The following MCC variants were observed in gnomAD, a reference collection of about 807,000 sequenced individuals.
MCC encodes MCC regulator of Wnt signaling pathway.
MCC carries 90 observed loss-of-function variants against 116.2 expected under a neutral mutation model. The observed-to-expected ratio is 0.77, with a 90% CI of 0.65 to 0.92. The LOEUF (loss-of-function observed/expected upper bound fraction) is 0.92, where lower values mean the gene tolerates loss of function less well. Ranked by LOEUF, MCC falls within the 40% of genes least tolerant of loss-of-function variation. The probability of loss-of-function intolerance (pLI) is 0.00; values close to 1 mark genes in which losing one functional copy is unlikely to be tolerated. For missense variants in MCC, 1,516 were observed against 1,312.2 expected (o/e 1.16, Z -2.40); for synonymous variants, 578 against 510.5 (o/e 1.13, Z -1.78).
intron 4 of MCC, among the ~76,000 whole-genome samples, chr5:113,147,953 CAGG>C (rs1759625711): frequency 6.6e-6 from 1 of 152,208 alleles, no homozygotes; most frequent in African/African-American, 2.4e-5. Context: ...GTAGAAAATT[CAGG>C]AGACTTGTTT....
intron 1 of MCC, among the ~76,000 whole-genome samples, chr5:113,451,172 AT>A (rs1771382205): frequency 1.3e-5 from 2 of 152,194 alleles, no homozygotes; most frequent in African/African-American, 4.8e-5. Flanking sequence ...AAGATGCTTT[AT>A]CTCAGTACAC....
chr5:113,428,506 C>G (rs1770541047), intron 1 of MCC, among the ~76,000 whole-genome samples: 1 of 152,210 alleles, frequency 6.6e-6, no homozygotes, highest in Non-Finnish European at 1.5e-5. Flanking sequence ...TATGAGGCTA[C>G]AAAGGCCTAG....
intron 1 of MCC, chr5:113,433,346 GC>G: frequency 5.1e-6 from 2 of 391,192 alleles, no homozygotes. Flanking sequence ...TCACGCAACT[GC>G]CCCGGGGACG....
chr5:113,255,351 A>C (rs1177834787), intron 3 of MCC, among the ~76,000 whole-genome samples: 1 of 152,194 alleles, frequency 6.6e-6, no homozygotes, highest in Non-Finnish European at 1.5e-5. Context: ...TGAAAGCCAC[A>C]TATTAAGAAT....
intron 1 of MCC, among the ~76,000 whole-genome samples, chr5:113,411,034 CT>C (rs1172738749): frequency 2.0e-5 from 3 of 152,162 alleles, no homozygotes; most frequent in African/African-American, 7.2e-5. Flanking sequence ...GGTTCCAAGT[CT>C]TTGCTATTGT....
intron 1 of MCC, among the ~76,000 whole-genome samples, chr5:113,392,622 G>C (rs1769428292): frequency 6.6e-6 from 1 of 152,024 alleles, no homozygotes; most frequent in African/African-American, 2.4e-5. Context: ...AACAATATCT[G>C]TAACAGCAAA....
Position 113,122,793 on chromosome 5 carries a change from T to C in MCC, c.918A>G (p.Glu306=), listed in dbSNP as rs372031914. Residue 306 remains glutamate (E), a synonymous_variant, in exon 6 of 19, where the codon GAA becomes GAG. Coordinates refer to ENST00000408903, the MANE Select transcript of MCC (RefSeq NM_001085377.2). ...TGACCTCGTGTTGGCTCTGGCTGAG[T>C]TCTGATCGCAGTTCTGAGTACTCAT... The part of the protein sequence containing the change: ...EEDEYSELRS[E]LSQSQHEVNE... 6.2e-6 allele frequency: 10 copies of C among 1,614,146 alleles called. No homozygotes were observed. The highest frequency in any genetic ancestry group is 6.8e-6 in the Non-Finnish European group (8 of 1,180,008).
intron 14 of MCC, among the ~76,000 whole-genome samples, chr5:113,063,387 T>G (rs2150229285): frequency 6.6e-6 from 1 of 152,338 alleles, no homozygotes; most frequent in African/African-American, 2.4e-5. Context: ...AAGCACCCAC[T>G]TTAATTTCCT....
intron 3 of MCC, among the ~76,000 whole-genome samples, chr5:113,165,729 T>C (rs1416685602): frequency 6.6e-6 from 1 of 152,158 alleles, no homozygotes; most frequent in Non-Finnish European, 1.5e-5. Flanking sequence ...CCCGACCCAA[T>C]GGCACCGTCT....
intron 5 of MCC, among the ~76,000 whole-genome samples, chr5:113,131,437 C>A (rs1475802270): frequency 1.3e-5 from 2 of 152,102 alleles, no homozygotes; most frequent in African/African-American, 2.4e-5. Context: ...TTCATGAATA[C>A]AATTTTTCAG....
intron 1 of MCC, among the ~76,000 whole-genome samples, chr5:113,396,281 T>C (rs1769522718): frequency 6.6e-6 from 1 of 152,108 alleles, no homozygotes; most frequent in Non-Finnish European, 1.5e-5. Flanking sequence ...TGAGCCCTCA[T>C]TGTGCCATTG....
intron 14 of MCC, among the ~76,000 whole-genome samples, chr5:113,055,894 A>T (rs1752803300): frequency 2.0e-5 from 3 of 152,226 alleles, no homozygotes; most frequent in Non-Finnish European, 4.4e-5. Context: ...AGGTCCCCCA[A>T]AAGGGAAAAA....
chr5:113,068,223 C>G (rs767151563), intron 12 of MCC, 40 bp from the exon 13 acceptor site: 6 of 1,490,654 alleles, frequency 4.0e-6, no homozygotes, highest in East Asian at 2.3e-5. Context: ...TTGCAGAGAA[C>G]AGCGGACACC....
intron 3 of MCC, among the ~76,000 whole-genome samples, chr5:113,245,932 A>G (rs894787905): frequency 6.6e-6 from 1 of 152,212 alleles, no homozygotes; most frequent in African/African-American, 2.4e-5. Flanking sequence ...TGGGCTTCTC[A>G]TGACACTGAG....
chr5:113,046,155 T>TA (rs944258631), intron 16 of MCC, among the ~76,000 whole-genome samples: 25 of 150,466 alleles, frequency 1.7e-4, no homozygotes, highest in African/African-American at 4.4e-4. Context: ...ACTGTAGTGT[T>TA]AAAAAAAAAT....
intron 3 of MCC, among the ~76,000 whole-genome samples, chr5:113,186,491 C>T (rs1224093087): frequency 6.6e-6 from 1 of 152,178 alleles, no homozygotes; most frequent in Non-Finnish European, 1.5e-5. Context: ...AAAATTAACA[C>T]CACTTATTTT....
chr5:113,465,151 T>C (rs996204080), intron 1 of MCC, among the ~76,000 whole-genome samples: 5 of 151,020 alleles, frequency 3.3e-5, no homozygotes, highest in Non-Finnish European at 7.4e-5. Context: ...ACATAAAATA[T>C]TAAACCATGT....
intron 1 of MCC, among the ~76,000 whole-genome samples, chr5:113,450,188 T>C (rs1257957689): frequency 1.3e-5 from 2 of 152,028 alleles, no homozygotes; most frequent in Non-Finnish European, 2.9e-5. Flanking sequence ...AGTTCACAGT[T>C]AAAATAAGAA....
At chr5:113,380,309 C>T (rs1769085720) in intron 2 of MCC, among the ~76,000 whole-genome samples, 1 of 152,240 alleles carries the variant, frequency 6.6e-6, no homozygotes, top group Admixed American at 6.5e-5. Flanking sequence ...TTCTTAGCTC[C>T]TCTTACAGAG....
Sources: gnomAD v4.1 joint callset for allele counts (sites outside exome capture counted in the v4.1 genomes callset) on GRCh38, gnomAD v4.1.1 for gene constraint, MANE v1.5 for transcripts, NCBI Gene and HGNC (gene_info 2026-07-23, HGNC 2026-07-21) for gene names.